DGKB: variants seen among roughly 807,000 people sequenced by gnomAD.
DGKB encodes the protein 90 kDa diacylglycerol kinase.
DGKB carries 67 observed loss-of-function variants against 114.3 expected under a neutral mutation model. That is an observed-to-expected ratio of 0.59 (90% CI 0.48 to 0.72). DGKB has a LOEUF of 0.72. Ranked by LOEUF, DGKB falls within the 30% of genes least tolerant of loss-of-function variation. The pLI is 0.00. For missense variants in DGKB, 907 were observed against 975.2 expected, an observed-to-expected ratio of 0.93 and a Z score of 0.93; for synonymous variants, 398 against 323.1, an observed-to-expected ratio of 1.23 and a Z score of -2.49.
At chr7:14,533,877 C>G (rs1385274075) in intron 20 of DGKB, among the ~76,000 whole-genome samples, 1 of 151,870 alleles carries the variant, frequency 6.6e-6, no homozygotes, top group Non-Finnish European at 1.5e-5. Context: ...TAAGGGAAAT[C>G]CTTATCACTA....
At chr7:14,239,033 C>G (rs938287897) in intron 23 of DGKB, among the ~76,000 whole-genome samples, 1 of 152,014 alleles carries the variant, frequency 6.6e-6, no homozygotes, top group Non-Finnish European at 1.5e-5. Context: ...CTCCCACTGC[C>G]TAACTTTGTA....
intron 20 of DGKB, among the ~76,000 whole-genome samples, chr7:14,524,558 C>T (rs1790321762): frequency 6.6e-6 from 1 of 152,082 alleles, no homozygotes; most frequent in South Asian, 2.1e-4. Flanking sequence ...GAGTTTGAGA[C>T]CAGCCTGAAC....
chr7:14,806,664 C>T (rs1159905820), intron 2 of DGKB, among the ~76,000 whole-genome samples: 6 of 151,954 alleles, frequency 3.9e-5, no homozygotes, highest in East Asian at 1.9e-4. Context: ...TCTGTAGTAC[C>T]TTGTAACAGT....
intron 15 of DGKB, among the ~76,000 whole-genome samples, chr7:14,616,353 T>C (rs1346943552): frequency 1.3e-5 from 2 of 151,454 alleles, no homozygotes; most frequent in South Asian, 4.1e-4. Flanking sequence ...GAGGTACCAA[T>C]GTAGTTAGGT....
intron 15 of DGKB, among the ~76,000 whole-genome samples, chr7:14,616,704 G>T (rs1806601198): frequency 6.6e-6 from 1 of 151,706 alleles, no homozygotes; most frequent in Admixed American, 6.6e-5. Context: ...AAGGATGAAA[G>T]AACCCTCAAC....
At chr7:14,671,144 C>A (rs1283758176) in intron 13 of DGKB, among the ~76,000 whole-genome samples, 1 of 152,016 alleles carries the variant, frequency 6.6e-6, no homozygotes, top group Non-Finnish European at 1.5e-5. Context: ...TAAACAAGAT[C>A]TCATTGAGAA....
intron 20 of DGKB, among the ~76,000 whole-genome samples, chr7:14,510,298 T>C (rs1787799900): frequency 6.6e-6 from 1 of 152,192 alleles, no homozygotes; most frequent in East Asian, 1.9e-4. Context: ...TCTTCTTAAA[T>C]CTTGCTGCTG....
At chr7:14,173,674 C>T (rs1272575183) in intron 25 of DGKB, among the ~76,000 whole-genome samples, 3 of 152,050 alleles carry the variant, frequency 2.0e-5, no homozygotes, top group African/African-American at 4.8e-5. Context: ...AAGCAAAAAA[C>T]GCTCCATAGT....
intron 16 of DGKB, among the ~76,000 whole-genome samples, chr7:14,610,579 G>T (rs1805365964): frequency 6.6e-6 from 1 of 152,054 alleles, no homozygotes; most frequent in Non-Finnish European, 1.5e-5. Context: ...GTGAAAATAT[G>T]ATTATTTTAT....
chr7:14,154,149 T>C (rs956781951), intron 25 of DGKB, among the ~76,000 whole-genome samples: 1 of 145,562 alleles, frequency 6.9e-6, no homozygotes, highest in Non-Finnish European at 1.5e-5. Flanking sequence ...GTGTGGATAA[T>C]AGATAAATTG....
At chr7:14,763,865 T>C (rs1344148533) in intron 2 of DGKB, among the ~76,000 whole-genome samples, 1 of 152,068 alleles carries the variant, frequency 6.6e-6, no homozygotes, top group African/African-American at 2.4e-5. Flanking sequence ...TCTGGTGTTT[T>C]TGTTTTTAAC....
chr7:14,392,714 T>G (rs1821504938), intron 21 of DGKB, among the ~76,000 whole-genome samples: 1 of 152,088 alleles, frequency 6.6e-6, no homozygotes, highest in Admixed American at 6.5e-5. Flanking sequence ...ACAAAAGAGT[T>G]TGGTCAAATC....
At chr7:14,202,067 A>G (rs1226619580) in intron 23 of DGKB, among the ~76,000 whole-genome samples, 4 of 151,990 alleles carry the variant, frequency 2.6e-5, no homozygotes, top group Admixed American at 1.3e-4. Flanking sequence ...AGTGACAAAT[A>G]TATTTCTTTT....
intron 25 of DGKB, among the ~76,000 whole-genome samples, chr7:14,169,775 T>C (rs1392886315): frequency 1.3e-5 from 2 of 151,878 alleles, no homozygotes; most frequent in African/African-American, 4.8e-5. Context: ...ATAAATAATA[T>C]AAATAAGATG....
At chr7:14,897,641 T>G (rs1489613351) in intron 1 of DGKB, among the ~76,000 whole-genome samples, 2 of 151,962 alleles carry the variant, frequency 1.3e-5, no homozygotes, top group East Asian at 3.9e-4. Context: ...TTTTGTGATA[T>G]GGAAATAAAT....
intron 1 of DGKB, among the ~76,000 whole-genome samples, chr7:14,946,153 G>T (rs933927136): frequency 4.6e-5 from 7 of 151,072 alleles, no homozygotes; most frequent in Non-Finnish European, 7.4e-5. Context: ...AGTATTAAGG[G>T]TTTCTTGCTA....
intron 23 of DGKB, among the ~76,000 whole-genome samples, chr7:14,251,534 A>G: frequency 6.6e-6 from 1 of 152,294 alleles, no homozygotes; most frequent in East Asian, 1.9e-4. Context: ...AATAATTTAT[A>G]TACTATCACT....
intron 20 of DGKB, among the ~76,000 whole-genome samples, chr7:14,535,768 A>G (rs1358991898): frequency 6.6e-6 from 1 of 152,066 alleles, no homozygotes; most frequent in Non-Finnish European, 1.5e-5. Context: ...TAATATTTTT[A>G]GTAGAGACGG....
At chr7:14,784,881 C>T (rs905705524) in intron 2 of DGKB, among the ~76,000 whole-genome samples, 1 of 151,406 alleles carries the variant, frequency 6.6e-6, no homozygotes, top group Non-Finnish European at 1.5e-5. Context: ...TCTTGTGATC[C>T]CTACAATATA....
Sources: allele counts gnomAD v4.1 joint callset (sites outside exome capture counted in the v4.1 genomes callset), GRCh38; gene constraint gnomAD v4.1.1; transcripts MANE v1.5; gene names NCBI Gene and HGNC (gene_info 2026-07-23, HGNC 2026-07-21).